Variants in MIIP observed in about 807,000 individuals in gnomAD.
The protein encoded by MIIP is migration and invasion-inhibitory protein.
In MIIP, 44 loss-of-function variants were observed where a neutral mutation model predicts 44.8. That is an observed-to-expected ratio of 0.98 (90% CI 0.77 to 1.26). The LOEUF (loss-of-function observed/expected upper bound fraction) is 1.26, where lower values mean the gene tolerates loss of function less well. Among genes scored for constraint, MIIP ranks in the 50% most tolerant of loss-of-function variants. MIIP has a pLI of 0.00. For missense variants in MIIP, 496 were observed against 511.7 expected (o/e 0.97, Z 0.30); for synonymous variants, 225 against 218.3 (o/e 1.03, Z -0.27).
At chr1:12,030,185 T>A in intron 8 of MIIP, 61 bp downstream of exon 8, 2 of 1,523,124 alleles carry the variant, frequency 1.3e-6, no homozygotes, top group Non-Finnish European at 1.8e-6. Flanking sequence ...CTGGCCCAGA[T>A]CCCCAGGGAG....
intron 4 of MIIP, among the ~76,000 whole-genome samples, chr1:12,026,659 G>A (rs983924817): frequency 6.6e-6 from 1 of 152,196 alleles, no homozygotes; most frequent in Non-Finnish European, 1.5e-5. Context: ...CTGGGAGCTG[G>A]TTGTATCTCA....
chr1:12,029,302 A>T lies in MIIP; in HGVS notation c.715+21A>T, dbSNP rs2295285. On this transcript the variant is annotated intron_variant, in intron 6 of 9. Coordinates refer to ENST00000235332, the MANE Select transcript of MIIP (RefSeq NM_021933.4). ...TGAATGTGAGTGCGGGCCCTCGGCT[A>T]GGCCGCTGAGTAGTCCAGCCTCGCG... 2,071 of 1,609,610 alleles carry T rather than the reference A, an allele frequency of 1.3e-3. 46 individuals carry two copies. The East Asian group carries it at 0.036, about 28-fold the overall frequency.
chr1:12,023,604 G>A (rs945444741), intron 4 of MIIP, among the ~76,000 whole-genome samples: 3 of 149,954 alleles, frequency 2.0e-5, no homozygotes, highest in South Asian at 2.1e-4. Context: ...TAGTAGAGAC[G>A]GGATTTCACC....
At chr1:12,028,786 C>A in intron 4 of MIIP, 1 of 528,886 alleles carries the variant, frequency 1.9e-6, no homozygotes. Flanking sequence ...GCATCTAGCC[C>A]TGTCATAAGG....
chr1:12,031,104 A>T, intron 8 of MIIP, 162 bp from the exon 9 acceptor site: 4 of 819,836 alleles, frequency 4.9e-6, no homozygotes, highest in Non-Finnish European at 7.6e-6. Context: ...CTGCCAGGAT[A>T]AGAAAGGGGA....
chr1:12,027,006 CT>C (rs752323245), intron 4 of MIIP, among the ~76,000 whole-genome samples: 100 of 129,474 alleles, frequency 7.7e-4, no homozygotes, highest in East Asian at 1.1e-3. Flanking sequence ...TTTTCTTTTT[CT>C]TTTTTTTTTT....
At chr1:12,027,490 C>A (rs1640127973) in intron 4 of MIIP, among the ~76,000 whole-genome samples, 1 of 152,186 alleles carries the variant, frequency 6.6e-6, no homozygotes, top group Non-Finnish European at 1.5e-5. Context: ...GGACTTCCAG[C>A]CACTTGCTTC....
intron 4 of MIIP, among the ~76,000 whole-genome samples, chr1:12,023,283 C>G (rs1383370252): frequency 6.6e-6 from 1 of 151,210 alleles, no homozygotes; most frequent in South Asian, 2.1e-4. Context: ...AGGCTGGTCT[C>G]AAGCTACTGA....
chr1:12,022,286 C>T lies in MIIP; in HGVS notation c.306C>T (p.His102=). 1.2e-6 allele frequency: 2 copies of T among 1,613,874 alleles called. No homozygotes were observed. Among genetic ancestry groups the T allele is most frequent in the Middle Eastern group, 1.6e-4 (1 of 6,062 alleles). ...VASLPPAKCQ[H]QESLGRPRPH... ...CTCTCCCACCTGCCAAATGCCAGCA[C>T]CAGGAGTCCCTGGGCCGACCGAGAC... The change falls in exon 3 of 10, where the codon CAC becomes CAT. Residue 102 remains histidine (H), a synonymous_variant. Transcript: ENST00000235332.
chr1:12,019,709 C>G (rs1404568656), intron 1 of MIIP, among the ~76,000 whole-genome samples, 157 bp downstream of exon 1: 2 of 152,286 alleles, frequency 1.3e-5, no homozygotes, highest in African/African-American at 4.8e-5. Context: ...CGCTCGCCCT[C>G]TGTTACTTCT....
At chr1:12,026,381 T>G (rs1365864293) in intron 4 of MIIP, among the ~76,000 whole-genome samples, 1 of 152,140 alleles carries the variant, frequency 6.6e-6, no homozygotes, top group Non-Finnish European at 1.5e-5. Context: ...CCTTGAGTAC[T>G]TCTTGAACTC....
chr1:12,030,176 TG>T (rs762594992), intron 8 of MIIP, 52 bp downstream of exon 8: 1 of 1,554,234 alleles, frequency 6.4e-7, no homozygotes, highest in South Asian at 1.1e-5. Flanking sequence ...TGGCTCAGAC[TG>T]GCCCAGATCC....
intron 4 of MIIP, among the ~76,000 whole-genome samples, chr1:12,023,419 T>TATTTATTTATTTA: frequency 6.8e-6 from 1 of 147,982 alleles, no homozygotes; most frequent in Non-Finnish European, 1.5e-5. Context: ...TTTATTTATT[T>TATTTATTTATTTA]TTGAGATAGT....
chr1:12,025,959 A>C (rs1640097386), intron 4 of MIIP, among the ~76,000 whole-genome samples: 1 of 151,468 alleles, frequency 6.6e-6, no homozygotes, highest in Non-Finnish European at 1.5e-5. Context: ...TGGCCTCCCA[A>C]AGTGCTGGGA....
At chr1:12,026,613 G>T (rs1640109037) in intron 4 of MIIP, among the ~76,000 whole-genome samples, 1 of 152,156 alleles carries the variant, frequency 6.6e-6, no homozygotes, top group African/African-American at 2.4e-5. Context: ...TCCTCATCCT[G>T]CCCCTTAGCA....
intron 6 of MIIP, 93 bp from the exon 7 acceptor site, chr1:12,029,672 C>T: frequency 1.3e-6 from 2 of 1,514,372 alleles, no homozygotes; most frequent in Non-Finnish European, 1.8e-6. Flanking sequence ...GGATTGGCAG[C>T]TTGTGTGGTT....
rs192386874 is a variant in MIIP, at chr1:12,026,853, C to G, written c.548-2180C>G. Among the ~76,000 whole-genome samples, 103 of 152,320 alleles carry G rather than the reference C, an allele frequency of 6.8e-4. 1 individual carries two copies. Among genetic ancestry groups the G allele is most frequent in the African/African-American group, 2.5e-3 (103 of 41,570 alleles). On this transcript the variant is annotated intron_variant, in intron 4 of 9. Transcript: ENST00000235332. ...CATCCAGTCGGGGTAAAGCCGCTGTCTGTTATTTCTCATCCCGATGCCACA... is the reference window on the plus strand; with the variant it reads ...CATCCAGTCGGGGTAAAGCCGCTGTGTGTTATTTCTCATCCCGATGCCACA...
At position 12,029,151 on chromosome 1, in the gene MIIP, G is replaced by T. The variant is rs751889896; in HGVS notation, c.656+10G>T. On this transcript the variant is annotated intron_variant, in intron 5 of 9. Transcript: ENST00000235332. ...TCTGCAGCCATCCTGAGTGAGCAGG[G>T]GCGGGCGAGGGTGGGCGAGGGCGGC... 3 of 1,613,734 alleles carry T rather than the reference G, an allele frequency of 1.9e-6. No homozygotes were observed. The South Asian group carries it at 3.3e-5, about 18-fold the overall frequency.
chr1:12,026,585 C>T (rs1640108682), intron 4 of MIIP, among the ~76,000 whole-genome samples: 1 of 152,220 alleles, frequency 6.6e-6, no homozygotes, highest in East Asian at 1.9e-4. Context: ...CTGTGATCCT[C>T]TCCCTCTCTG....
Sources: allele counts gnomAD v4.1 joint callset (sites outside exome capture counted in the v4.1 genomes callset), GRCh38; gene constraint gnomAD v4.1.1; transcripts MANE v1.5; gene names NCBI Gene and HGNC (gene_info 2026-07-23, HGNC 2026-07-21).